CASK: variants seen among roughly 807,000 people sequenced by gnomAD.
The protein encoded by CASK is peripheral plasma membrane protein CASK.
A neutral mutation model predicts 82.9 loss-of-function variants in CASK; 4 were observed. The ratio of observed to expected loss-of-function variants is 0.05; its 90% confidence interval spans 0.02 to 0.11. The LOEUF is 0.11. CASK is among the 10% of genes least tolerant of loss of function. The probability of loss-of-function intolerance (pLI) is 1.00; values close to 1 mark genes in which losing one functional copy is unlikely to be tolerated. For synonymous variants in CASK, 259 were observed against 253.5 expected (o/e 1.02, Z -0.20); for missense variants, 358 against 720.9 (o/e 0.50, Z 5.76).
At chrX:41,606,772 A>G (rs1195560917) in intron 12 of CASK, among the ~76,000 whole-genome samples, 7 of 106,879 alleles carry the variant, frequency 6.5e-5, no homozygotes, top group African/African-American at 2.4e-4. Flanking sequence ...GGCTCACTGC[A>G]CCCTTGAATT....
intron 5 of CASK, among the ~76,000 whole-genome samples, chrX:41,715,066 T>G (rs931477701): frequency 7.1e-5 from 8 of 112,220 alleles, no homozygotes; most frequent in African/African-American, 2.6e-4. Flanking sequence ...AGGTGAACAA[T>G]CTTGTTTGGA....
intron 3 of CASK, among the ~76,000 whole-genome samples, chrX:41,785,723 G>A (rs1461604565): frequency 8.9e-6 from 1 of 111,960 alleles, no homozygotes; most frequent in Non-Finnish European, 1.9e-5. Context: ...CAGCCAATAT[G>A]TTAGCTAGCC....
intron 1 of CASK, among the ~76,000 whole-genome samples, chrX:41,922,310 C>G (rs777074482): frequency 1.3e-4 from 14 of 111,348 alleles, no homozygotes; most frequent in Non-Finnish European, 2.1e-4. Flanking sequence ...CAACAACAGT[C>G]GAGGGGAGTC....
intron 1 of CASK, among the ~76,000 whole-genome samples, chrX:41,865,587 A>T (rs957776241): frequency 9.0e-6 from 1 of 110,948 alleles, no homozygotes; most frequent in Non-Finnish European, 1.9e-5. Context: ...TGTATCCTAG[A>T]TATTTTGTGG....
In CASK at chrX:41,890,043, A is replaced by G. The variant is rs182553307; in HGVS notation, c.59+32887T>C. Among the ~76,000 whole-genome samples the G allele has an allele frequency of 6.9e-3, 774 of 111,705 alleles. 1 individual carries two copies. The highest frequency in any genetic ancestry group is 0.023 in the Middle Eastern group (5 of 218). On this transcript the variant is annotated intron_variant, in intron 1 of 26. Coordinates refer to ENST00000378163, the MANE Select transcript of CASK (RefSeq NM_001367721.1). ...TTAGGTTTATTCAAATGCTTAATAAACTACTTTACCTCACTATAATTCATC... is the reference window on the plus strand; with the variant it reads ...TTAGGTTTATTCAAATGCTTAATAAGCTACTTTACCTCACTATAATTCATC...
intron 22 of CASK, 125 bp from the exon 23 acceptor site, chrX:41,535,098 TTA>T (rs1413678293): frequency 2.1e-6 from 1 of 479,755 alleles, no homozygotes; most frequent in Non-Finnish European, 3.6e-6. Flanking sequence ...TGAATCCAAC[TTA>T]TGATATATGG....
chrX:41,896,655 A>C (rs1403591111), intron 1 of CASK, among the ~76,000 whole-genome samples: 1 of 111,614 alleles, frequency 9.0e-6, no homozygotes, highest in African/African-American at 3.3e-5. Context: ...ATTGTTTTTA[A>C]TTTTTAATTT....
chrX:41,560,739 A>C (rs1244526360), intron 17 of CASK, among the ~76,000 whole-genome samples: 1 of 106,894 alleles, frequency 9.4e-6, no homozygotes, highest in African/African-American at 3.4e-5. Context: ...AAAAATGCAA[A>C]CATTAGCAGG....
intron 2 of CASK, among the ~76,000 whole-genome samples, chrX:41,819,017 A>G (rs2070475787): frequency 8.9e-6 from 1 of 111,993 alleles, no homozygotes; most frequent in Non-Finnish European, 1.9e-5. Context: ...TACAATTCAT[A>G]AAACAATACG....
At chrX:41,602,647 G>A (rs2065908320) in intron 12 of CASK, among the ~76,000 whole-genome samples, 1 of 109,067 alleles carries the variant, frequency 9.2e-6, no homozygotes, top group Non-Finnish European at 1.9e-5. Context: ...GTGGGGAGTG[G>A]ACAATCCTCA....
intron 1 of CASK, among the ~76,000 whole-genome samples, chrX:41,873,391 A>G (rs2071743099): frequency 9.0e-6 from 1 of 111,139 alleles, no homozygotes. Context: ...ATCAAAGACT[A>G]AAACTGAAGT....
intron 1 of CASK, among the ~76,000 whole-genome samples, chrX:41,905,071 T>C (rs1197167609): frequency 1.8e-5 from 2 of 112,134 alleles, no homozygotes; most frequent in Non-Finnish European, 3.8e-5. Flanking sequence ...GTCTTTATCT[T>C]AATTTATTTT....
intron 12 of CASK, chrX:41,589,957 C>T (rs2065718625): frequency 5.9e-6 from 1 of 168,633 alleles, no homozygotes; most frequent in Non-Finnish European, 1.1e-5. Flanking sequence ...CTGGCCAAGG[C>T]ACGTCTACAC....
rs1306962436 is a variant in CASK, at chrX:41,688,904, GA to G, written c.430-17375del. 2.3e-3 allele frequency: 132 copies of G among 57,190 alleles called. 2 individuals carry two copies. The highest frequency in any genetic ancestry group is 6.8e-3 in the African/African-American group (103 of 15,230). The allele number at this position is 57,190 out of a possible 1,213,427, so 4.7% of individuals were successfully genotyped here. A position where few individuals can be genotyped will look rare whatever the true frequency, so the allele number is the denominator to read the frequency against. ...TCTGAGAGTTGTCATACCGAAAAAA[GA>G]AAAAAAAAAAGAGGGGGAAAAAAAA... On this transcript the variant is annotated intron_variant, in intron 5 of 26. Transcript: ENST00000378163.
At chrX:41,683,791 T>C (rs2067401048) in intron 5 of CASK, among the ~76,000 whole-genome samples, 1 of 111,873 alleles carries the variant, frequency 8.9e-6, no homozygotes, top group African/African-American at 3.3e-5. Flanking sequence ...TAATTACTCA[T>C]TTGCTTTGTG....
At chrX:41,595,088 T>C (rs1409997601) in intron 12 of CASK, among the ~76,000 whole-genome samples, 1 of 111,915 alleles carries the variant, frequency 8.9e-6, no homozygotes, top group African/African-American at 3.3e-5. Context: ...ACATAGAAAT[T>C]GTAAATAGAT....
intron 1 of CASK, among the ~76,000 whole-genome samples, chrX:41,908,808 T>C (rs1166375167): frequency 8.9e-6 from 1 of 112,182 alleles, no homozygotes; most frequent in African/African-American, 3.2e-5. Context: ...GAATGCTTTA[T>C]CTTGAGTAGG....
intron 3 of CASK, chrX:41,748,530 G>T: frequency 9.1e-6 from 2 of 220,347 alleles, no homozygotes; most frequent in South Asian, 1.4e-4. Flanking sequence ...CTGTACTAAC[G>T]ACCTCAGCTG....
intron 5 of CASK, among the ~76,000 whole-genome samples, chrX:41,675,463 C>T (rs1211672302): frequency 9.0e-6 from 1 of 111,415 alleles, no homozygotes; most frequent in Non-Finnish European, 1.9e-5. Context: ...TTACCCTGGC[C>T]CTTGTGAAGC....
Sources: gnomAD v4.1 joint callset for allele counts (sites outside exome capture counted in the v4.1 genomes callset) on GRCh38, gnomAD v4.1.1 for gene constraint, MANE v1.5 for transcripts, NCBI Gene and HGNC (gene_info 2026-07-23, HGNC 2026-07-21) for gene names.